Variants in SLCO5A1 observed in about 807,000 individuals in gnomAD.
SLCO5A1 encodes organic anion transporter polypeptide-related protein 4.
Under a neutral mutation model 65.1 loss-of-function variants are expected in SLCO5A1, and 39 were observed. The ratio of observed to expected loss-of-function variants is 0.60; its 90% CI spans 0.46 to 0.78. The LOEUF (loss-of-function observed/expected upper bound fraction) is 0.78, where lower values mean the gene tolerates loss of function less well. Ranked by LOEUF, SLCO5A1 falls within the 30% of genes least tolerant of loss-of-function variation. The pLI is 0.00. For missense variants in SLCO5A1, 1,029 were observed against 1,069.4 expected, an observed-to-expected ratio of 0.96 and a Z score of 0.53; for synonymous variants, 438 against 415.7, an observed-to-expected ratio of 1.05 and a Z score of -0.65.
chr8:69,810,012 G>A (rs1332913677), intron 2 of SLCO5A1, among the ~76,000 whole-genome samples: 1 of 152,180 alleles, frequency 6.6e-6, no homozygotes, highest in Non-Finnish European at 1.5e-5. Flanking sequence ...CAGCTACAGA[G>A]GCAAGATAAC....
At chr8:69,796,015 T>C (rs1334511669) in intron 2 of SLCO5A1, among the ~76,000 whole-genome samples, 1 of 152,162 alleles carries the variant, frequency 6.6e-6, no homozygotes. Context: ...GCAGCCGGGA[T>C]GTGGAAAGCA....
intron 5 of SLCO5A1, among the ~76,000 whole-genome samples, chr8:69,718,683 TATTTA>T (rs1815677935): frequency 6.6e-6 from 1 of 152,312 alleles, no homozygotes; most frequent in South Asian, 2.1e-4. Context: ...TTAAAGTATA[TATTTA>T]ATTTAACGGA....
chr8:69,807,745 G>A (rs10105568), intron 2 of SLCO5A1, among the ~76,000 whole-genome samples: 52,526 of 152,030 alleles, frequency 0.35, 9,147 homozygotes, highest in South Asian at 0.41. Flanking sequence ...TCGGTCTGTC[G>A]CCCAGGCTGG....
intron 3 of SLCO5A1, among the ~76,000 whole-genome samples, chr8:69,757,088 G>A (rs1043845690): frequency 1.3e-5 from 2 of 152,192 alleles, no homozygotes; most frequent in African/African-American, 4.8e-5. Context: ...TTCTATTAAA[G>A]TGCTGTTATC....
intron 2 of SLCO5A1, among the ~76,000 whole-genome samples, chr8:69,826,432 A>C (rs1009775725): frequency 3.9e-5 from 6 of 152,012 alleles, no homozygotes; most frequent in Admixed American, 3.9e-4. Flanking sequence ...ACAAATTTAC[A>C]AGAAAAAAAC....
At chr8:69,794,559 A>G (rs1189090722) in intron 2 of SLCO5A1, 1 of 346,420 alleles carries the variant, frequency 2.9e-6, no homozygotes, top group Admixed American at 3.4e-5. Flanking sequence ...AGGATTTGTC[A>G]TAACTATTTT....
At chr8:69,820,743 A>C (rs538998442) in intron 2 of SLCO5A1, among the ~76,000 whole-genome samples, 4 of 152,324 alleles carry the variant, frequency 2.6e-5, no homozygotes, top group Admixed American at 2.6e-4. Flanking sequence ...TATTCAGAGA[A>C]AAAAATCAAA....
intron 2 of SLCO5A1, among the ~76,000 whole-genome samples, chr8:69,792,343 A>C (rs1819309315): frequency 6.6e-6 from 1 of 152,226 alleles, no homozygotes; most frequent in African/African-American, 2.4e-5. Context: ...GCAGGAGGGC[A>C]AAAGTGCTCC....
intron 2 of SLCO5A1, among the ~76,000 whole-genome samples, chr8:69,823,777 G>T (rs1204313747): frequency 2.0e-5 from 3 of 152,056 alleles, no homozygotes; most frequent in East Asian, 1.9e-4. Flanking sequence ...CAAGCAGACC[G>T]AATAGACATC....
At chr8:69,755,305 C>G in intron 4 of SLCO5A1, 119 bp downstream of exon 4, 4 of 676,210 alleles carry the variant, frequency 5.9e-6, no homozygotes, top group Non-Finnish European at 9.1e-6. Flanking sequence ...AACACTTACT[C>G]TCAATCTTAG....
intron 5 of SLCO5A1, among the ~76,000 whole-genome samples, chr8:69,715,635 A>T (rs1815486550): frequency 6.6e-6 from 1 of 152,224 alleles, no homozygotes; most frequent in South Asian, 2.1e-4. Context: ...TTGAGACAAA[A>T]GTCTGCACAT....
At chr8:69,725,723 T>G (rs751865680) in intron 5 of SLCO5A1, among the ~76,000 whole-genome samples, 4 of 152,200 alleles carry the variant, frequency 2.6e-5, no homozygotes, top group Non-Finnish European at 5.9e-5. Flanking sequence ...AAGAAAGTTT[T>G]TATTCATTCC....
At chr8:69,761,625 C>T in intron 3 of SLCO5A1, 118 bp downstream of exon 3, 3 of 1,103,260 alleles carry the variant, frequency 2.7e-6, no homozygotes, top group Admixed American at 2.5e-5. Context: ...CACCCCTTCC[C>T]AGGCACCTTT....
chr8:69,713,828 C>G (rs1815388387), intron 5 of SLCO5A1: 1 of 152,208 alleles, frequency 6.6e-6, no homozygotes. Context: ...GGTTATTTCA[C>G]TTTTCTAAAG....
At position 69,682,290 on chromosome 8, in the gene SLCO5A1, C is replaced by T; in HGVS notation, c.1676G>A (p.Cys559Tyr). 6.2e-7 allele frequency: 1 copy of T among 1,611,732 alleles called. No homozygotes were observed. Among genetic ancestry groups the T allele is most frequent in the Non-Finnish European group, 8.5e-7 (1 of 1,179,052 alleles). Reference protein sequence around the residue: ...RNLTGSCNVNCGCKIHEYEPV... With the variant: ...RNLTGSCNVNYGCKIHEYEPV... ...CTCATACTCGTGTATTTTACAACCACAATTAACGTTGCAGCTTCCTGTCAG... is the reference window on the plus strand; with the variant it reads ...CTCATACTCGTGTATTTTACAACCATAATTAACGTTGCAGCTTCCTGTCAG... Residue 559 changes from cysteine to tyrosine, a missense_variant, in exon 7 of 10, where the codon TGT becomes TAT. Cys to Tyr is a radical substitution (Grantham distance 194, BLOSUM62 -2). This residue lies in a region of SLCO5A1 where 124 missense variants were observed against 184.5 expected (regional missense o/e 0.67). Transcript: ENST00000260126.
intron 3 of SLCO5A1, among the ~76,000 whole-genome samples, chr8:69,757,988 G>T (rs1284276583): frequency 6.6e-6 from 1 of 152,136 alleles, no homozygotes; most frequent in African/African-American, 2.4e-5. Flanking sequence ...CTTACTATAG[G>T]ATCCTGTGAA....
chr8:69,746,933 ACCT>A (rs1817057573), intron 4 of SLCO5A1, among the ~76,000 whole-genome samples: 1 of 151,884 alleles, frequency 6.6e-6, no homozygotes, highest in Non-Finnish European at 1.5e-5. Context: ...AGCCCCAACC[ACCT>A]CCTTATCTAA....
rs1815815311 is a variant in SLCO5A1, at chr8:69,721,559, C to G, written c.1424-16330G>C. On this transcript the variant is annotated intron_variant, in intron 5 of 9. Coordinates refer to ENST00000260126, the MANE Select transcript of SLCO5A1 (RefSeq NM_030958.3). ...TCTAGATTTATATGAGGCTAGTGCT[C>G]CCATAAACATACACTTAAATTACAA... Among the ~76,000 whole-genome samples, 2 of 152,142 alleles carry G rather than the reference C, an allele frequency of 1.3e-5. 1 individual carries two copies. Among genetic ancestry groups the G allele is most frequent in the South Asian group, 4.1e-4 (2 of 4,830 alleles).
intron 2 of SLCO5A1, among the ~76,000 whole-genome samples, chr8:69,787,628 C>T (rs1429654317): frequency 1.3e-5 from 2 of 152,182 alleles, no homozygotes; most frequent in African/African-American, 4.8e-5. Flanking sequence ...CTGCAACAAA[C>T]GAACAAGTAT....
Sources: allele counts gnomAD v4.1 joint callset (sites outside exome capture counted in the v4.1 genomes callset), GRCh38; gene constraint gnomAD v4.1.1; regional missense constraint gnomAD v4.1.1; transcripts MANE v1.5; gene names NCBI Gene and HGNC (gene_info 2026-07-23, HGNC 2026-07-21).